The following ARID4A variants were observed in gnomAD, a reference collection of about 807,000 sequenced individuals.
The protein encoded by ARID4A is AT-rich interactive domain-containing protein 4A.
Under a neutral mutation model 148.6 loss-of-function variants are expected in ARID4A, and 39 were observed. The observed-to-expected ratio is 0.26, with a 90% CI of 0.20 to 0.34. The LOEUF (loss-of-function observed/expected upper bound fraction) is 0.34. ARID4A is among the 10% of genes least tolerant of loss of function. ARID4A has a pLI of 1.00. For synonymous variants in ARID4A, 475 were observed against 481.2 expected, an observed-to-expected ratio of 0.99 and a Z score of 0.17; for missense variants, 1,265 against 1,449.1, an observed-to-expected ratio of 0.87 and a Z score of 2.06.
Position 58,365,208 on chromosome 14 carries a change from T to C in ARID4A, c.3119T>C (p.Leu1040Pro), listed in dbSNP as rs777425685. The stretch of plus-strand genomic sequence containing the variant: ...ATTGCTGAAGAATCTCAAGAAGGTC[T>C]CTGTGAGAGGGAATCGGCAAATGGA... ...DSIAEESQEG[L>P]CERESANGFE... Residue 1040 changes from leucine (L) to proline (P), a missense_variant, in exon 20 of 24, where the codon CTC becomes CCC. This residue lies in a region of ARID4A where 666 missense variants were observed against 730.9 expected (regional missense o/e 0.91). Coordinates refer to ENST00000355431, the MANE Select transcript of ARID4A (RefSeq NM_002892.4). 28 of 1,613,988 alleles carry C rather than the reference T, an allele frequency of 1.7e-5. No individual in the cohort carries two copies. The highest frequency in any genetic ancestry group is 4.2e-6 in the Non-Finnish European group (5 of 1,179,988).
chr14:58,323,081 T>G (rs2033004643), intron 7 of ARID4A, among the ~76,000 whole-genome samples: 1 of 150,934 alleles, frequency 6.6e-6, no homozygotes, highest in Admixed American at 6.6e-5. Flanking sequence ...TATGGGTGTT[T>G]TAATGAGATA....
chr14:58,364,938 C>T lies in ARID4A; in HGVS notation c.2849C>T (p.Pro950Leu). ...IPLKEDEDAMPLIGPETLVCH... is the reference protein window; with the variant it reads ...IPLKEDEDAMLLIGPETLVCH... ...CTAAAAGAAGATGAGGATGCAATGC[C>T]TCTGATCGGGCCTGAAACCTTGGTT... Residue 950 changes from proline (P) to leucine (L), a missense_variant, in exon 20 of 24, where the codon CCT (proline) becomes CTT (leucine). Transcript: ENST00000355431. 1 of 1,614,066 alleles carries T rather than the reference C, an allele frequency of 6.2e-7. No individual in the cohort carries two copies.
rs752553814 is a variant in ARID4A, at chr14:58,359,107, CTTTTTTT to C, written c.1854-10_1854-4del. On this transcript the variant is annotated intron_variant, in intron 17 of 23. Transcript: ENST00000355431. Reference sequence around the variant, plus strand: ...ATAATGTATAAAGTTTGTACAAACTCTTTTTTTTTTTTTTTTTTTTTAAGGTATGATG... The same window carrying C: ...ATAATGTATAAAGTTTGTACAAACTCTTTTTTTTTTTTTTAAGGTATGATG... 5.4e-6 allele frequency: 7 copies of C among 1,298,830 alleles called. No homozygotes were observed. Among genetic ancestry groups the C allele is most frequent in the Admixed American group, 3.0e-5 (1 of 33,110 alleles). 80.5% of individuals were successfully genotyped at this position (1,298,830 alleles called of 1,614,324 possible). A position where few individuals can be genotyped will look rare whatever the true frequency, so the allele number is the denominator to read the frequency against.
intron 20 of ARID4A, 52 bp from the exon 21 acceptor site, chr14:58,365,466 T>G: frequency 2.0e-6 from 2 of 981,934 alleles, no homozygotes; most frequent in Non-Finnish European, 2.9e-6. Context: ...ATATACTTGC[T>G]CTTTTTTTTT....
At chr14:58,341,053 C>T (rs564684195) in intron 11 of ARID4A, among the ~76,000 whole-genome samples, 4 of 152,250 alleles carry the variant, frequency 2.6e-5, no homozygotes, top group African/African-American at 9.6e-5. Flanking sequence ...CCCCATCCCT[C>T]CATCAGTCTC....
In ARID4A at chr14:58,323,387, A is replaced by T. The variant is rs1474309284; in HGVS notation, c.450-98A>T. On this transcript the variant is annotated intron_variant, in intron 7 of 23. Transcript: ENST00000355431. ...TGGAGAGGCTACTACTTTAGGGTGTAGTCCATTAGAAATTGAATTGACTAT... is the reference window on the plus strand; with the variant it reads ...TGGAGAGGCTACTACTTTAGGGTGTTGTCCATTAGAAATTGAATTGACTAT... 1.5e-5 allele frequency: 20 copies of T among 1,352,166 alleles called. No homozygotes were observed. The East Asian group carries it at 4.7e-4, about 32-fold the overall frequency. The allele number at this position is 1,352,166 out of a possible 1,614,324, so 83.8% of individuals were successfully genotyped here. A position where few individuals can be genotyped will look rare whatever the true frequency, so the allele number is the denominator to read the frequency against.
intron 5 of ARID4A, among the ~76,000 whole-genome samples, chr14:58,309,483 T>G (rs1594870645): frequency 6.6e-6 from 1 of 152,332 alleles, no homozygotes. Context: ...GGTGTTAAAA[T>G]TGGGATTAGA....
In ARID4A at chr14:58,363,566, G is replaced by T. The variant is rs377324381; in HGVS notation, c.2081-604G>T. ...ATACAAAAATTAGCCGGGCGTGGTG[G>T]CCTGCGCCTATCCCAGCTCCTCAGG... On this transcript the variant is annotated intron_variant, in intron 19 of 23. Transcript: ENST00000355431. Among the ~76,000 whole-genome samples the T allele has an allele frequency of 3.2e-4, 49 of 152,168 alleles. 2 individuals carry two copies. Among genetic ancestry groups the T allele is most frequent in the Admixed American group, 1.5e-3 (23 of 15,278 alleles).
At chr14:58,324,031 A>AGTAGCTG (rs1024988170) in intron 8 of ARID4A, among the ~76,000 whole-genome samples, 4 of 149,416 alleles carry the variant, frequency 2.7e-5, no homozygotes, top group African/African-American at 9.9e-5. Flanking sequence ...CAGCCTCCGG[A>AGTAGCTG]GTAGCTGGGA....
intron 5 of ARID4A, 133 bp from the exon 6 acceptor site, chr14:58,318,408 GT>G (rs1326813862): frequency 2.2e-6 from 2 of 908,196 alleles, no homozygotes; most frequent in Non-Finnish European, 3.3e-6. Context: ...CATTGTAAAG[GT>G]TTTGAAAAAT....
chr14:58,365,014 T>A lies in ARID4A; in HGVS notation c.2925T>A (p.Ile975=). The A allele has an allele frequency of 6.2e-7, 1 of 1,614,144 alleles. No homozygotes were observed. The highest frequency in any genetic ancestry group is 8.5e-7 in the Non-Finnish European group (1 of 1,180,006). Residue 975 remains isoleucine (I), a synonymous_variant, in exon 20 of 24, where the codon ATT becomes ATA. Coordinates refer to ENST00000355431, the MANE Select transcript of ARID4A (RefSeq NM_002892.4). Reference sequence around the variant, plus strand: ...TGGATGAAAAGGATAAGACCAGCATTGAGGATGTAGCAGTTGAAAGCTCTG... The same window carrying A: ...TGGATGAAAAGGATAAGACCAGCATAGAGGATGTAGCAGTTGAAAGCTCTG... ...DDLDEKDKTS[I]EDVAVESSES...
At chr14:58,301,554 T>G in intron 2 of ARID4A, 26 bp from the exon 3 acceptor site, 1 of 1,551,990 alleles carries the variant, frequency 6.4e-7, no homozygotes, top group Non-Finnish European at 8.9e-7. Flanking sequence ...GTAATGACAT[T>G]CACAGTTTTA....
rs1178699582 is a variant in ARID4A at position 58,330,115 on chromosome 14, T to C, written c.852T>C (p.Ala284=). 6.2e-7 allele frequency: 1 copy of C among 1,613,230 alleles called. No homozygotes were observed. Among genetic ancestry groups the C allele is most frequent in the Admixed American group, 1.7e-5 (1 of 59,790 alleles). ...GTAGTGATGATGAAGATGGCCCAGC[T>C]GAAGAAAATGATGAAGAGAAGGAAA... ...SSSSDDEDGP[A]EENDEEKEKE... Residue 284 remains alanine (A), a synonymous_variant, in exon 11 of 24, where the codon GCT becomes GCC. Transcript: ENST00000355431.
intron 8 of ARID4A, among the ~76,000 whole-genome samples, chr14:58,326,231 A>G (rs2033201365): frequency 6.6e-6 from 1 of 152,136 alleles, no homozygotes; most frequent in African/African-American, 2.4e-5. Context: ...AGGTCAGGAG[A>G]TCGAGACCAT....
intron 11 of ARID4A, among the ~76,000 whole-genome samples, chr14:58,340,976 C>T (rs1355842474): frequency 2.6e-5 from 4 of 152,144 alleles, no homozygotes; most frequent in Non-Finnish European, 4.4e-5. Flanking sequence ...AGTCATTAGT[C>T]GTAAAATTGT....
At chr14:58,321,057 T>C (rs2032856404) in intron 7 of ARID4A, among the ~76,000 whole-genome samples, 1 of 152,234 alleles carries the variant, frequency 6.6e-6, no homozygotes, top group Admixed American at 6.5e-5. Flanking sequence ...CAAGAAGTAT[T>C]ATCAGTTTGT....
chr14:58,304,831 G>T, intron 3 of ARID4A, 113 bp from the exon 4 acceptor site: 1 of 860,118 alleles, frequency 1.2e-6, no homozygotes, highest in Non-Finnish European at 1.9e-6. Context: ...ATTAGCAGGG[G>T]TCACCACATG....
At chr14:58,303,921 C>A (rs897122650) in intron 3 of ARID4A, among the ~76,000 whole-genome samples, 2 of 151,976 alleles carry the variant, frequency 1.3e-5, no homozygotes, top group African/African-American at 4.8e-5. Flanking sequence ...ACCCACCTGG[C>A]CAAAATGTTG....
chr14:58,357,069 A>G (rs976777404), intron 17 of ARID4A, among the ~76,000 whole-genome samples: 12 of 152,206 alleles, frequency 7.9e-5, no homozygotes, highest in Admixed American at 7.2e-4. Context: ...GTGCAGCCAC[A>G]ACAAACAGCT....
Sources: allele counts gnomAD v4.1 joint callset (sites outside exome capture counted in the v4.1 genomes callset), GRCh38; gene constraint gnomAD v4.1.1; regional missense constraint gnomAD v4.1.1; transcripts MANE v1.5; gene names NCBI Gene and HGNC (gene_info 2026-07-23, HGNC 2026-07-21).